PPP1R12A: variants seen among roughly 807,000 people sequenced by gnomAD.
The protein encoded by PPP1R12A is myosin binding subunit.
A neutral mutation model predicts 139.6 loss-of-function variants in PPP1R12A; 19 were observed. The ratio of observed to expected loss-of-function variants is 0.14; its 90% CI spans 0.09 to 0.20. PPP1R12A has a LOEUF of 0.20. Ranked by LOEUF, PPP1R12A falls within the 10% of genes least tolerant of loss-of-function variation. PPP1R12A has a pLI of 1.00. For missense variants in PPP1R12A, 925 were observed against 1,211.5 expected, an observed-to-expected ratio of 0.76 and a Z score of 3.51; for synonymous variants, 427 against 420.6, an observed-to-expected ratio of 1.02 and a Z score of -0.19.
chr12:79,888,401 C>A (rs1011024346), intron 1 of PPP1R12A, among the ~76,000 whole-genome samples: 2 of 152,018 alleles, frequency 1.3e-5, no homozygotes, highest in Non-Finnish European at 2.9e-5. Flanking sequence ...GAATAAATAA[C>A]AAGGCACAAG....
chr12:79,883,614 T>C (rs1370211234), intron 1 of PPP1R12A, among the ~76,000 whole-genome samples: 2 of 152,198 alleles, frequency 1.3e-5, no homozygotes, highest in Non-Finnish European at 2.9e-5. Context: ...TAGGTGTCTG[T>C]ACACCTATCT....
chr12:79,780,985 T>C (rs758147693), intron 23 of PPP1R12A, among the ~76,000 whole-genome samples: 2 of 152,112 alleles, frequency 1.3e-5, no homozygotes, highest in Non-Finnish European at 2.9e-5. Flanking sequence ...AAGAAAAATG[T>C]TTTTATATCA....
chr12:79,845,168 A>T, intron 3 of PPP1R12A, 134 bp downstream of exon 3: 1 of 659,388 alleles, frequency 1.5e-6, no homozygotes, highest in Non-Finnish European at 2.7e-6. Flanking sequence ...AACATACTGT[A>T]CTATTGTTTT....
intron 22 of PPP1R12A, among the ~76,000 whole-genome samples, chr12:79,784,896 C>T (rs957085312): frequency 6.6e-6 from 1 of 152,136 alleles, no homozygotes; most frequent in African/African-American, 2.4e-5. Flanking sequence ...ACCTTGGACT[C>T]CCAAAGTGCT....
chr12:79,825,486 G>A (rs1876651473), intron 5 of PPP1R12A: 1 of 151,890 alleles, frequency 6.6e-6, no homozygotes, highest in Admixed American at 6.5e-5. Context: ...TAAAATGACA[G>A]TAAATATGTA....
At chr12:79,885,019 T>C (rs1883978415) in intron 1 of PPP1R12A, among the ~76,000 whole-genome samples, 2 of 152,250 alleles carry the variant, frequency 1.3e-5, no homozygotes, top group East Asian at 1.9e-4. Flanking sequence ...ATTCCTAAAA[T>C]AGAACAAGTA....
chr12:79,779,106 T>G, intron 23 of PPP1R12A: 1 of 337,868 alleles, frequency 3.0e-6, no homozygotes, highest in Non-Finnish European at 5.9e-6. Context: ...TGTATTTAGG[T>G]TGACATTATG....
intron 3 of PPP1R12A, among the ~76,000 whole-genome samples, chr12:79,836,031 A>G (rs1878036755): frequency 1.3e-5 from 2 of 152,240 alleles, no homozygotes; most frequent in African/African-American, 4.8e-5. Context: ...ACATGTATAG[A>G]AAAAGTCATC....
At chr12:79,779,343 G>A (rs1027133355) in intron 23 of PPP1R12A, 30 of 1,289,024 alleles carry the variant, frequency 2.3e-5, no homozygotes, top group Non-Finnish European at 2.9e-5. Flanking sequence ...ACTGACTCTT[G>A]CCGGTCACCT....
At chr12:79,828,251 T>C (rs1303321781) in intron 5 of PPP1R12A, 69 bp downstream of exon 5, 63 of 1,355,352 alleles carry the variant, frequency 4.6e-5, no homozygotes, top group Non-Finnish European at 6.1e-5. Context: ...TGAGACTATA[T>C]TTCTAAATAT....
intron 20 of PPP1R12A, among the ~76,000 whole-genome samples, chr12:79,789,003 C>T (rs1871465052): frequency 6.6e-6 from 1 of 152,138 alleles, no homozygotes; most frequent in Non-Finnish European, 1.5e-5. Flanking sequence ...GTGGCATGAT[C>T]TCAGGTCACT....
At chr12:79,841,087 A>C (rs974407337) in intron 3 of PPP1R12A, among the ~76,000 whole-genome samples, 3 of 151,586 alleles carry the variant, frequency 2.0e-5, no homozygotes, top group Non-Finnish European at 4.4e-5. Flanking sequence ...AGAGAGAGAC[A>C]AGGTCTCACT....
intron 3 of PPP1R12A, among the ~76,000 whole-genome samples, chr12:79,832,863 G>C (rs1455219228): frequency 6.6e-6 from 1 of 151,754 alleles, no homozygotes; most frequent in African/African-American, 2.4e-5. Context: ...GTTTTGATCT[G>C]TTCTATGAAA....
intron 1 of PPP1R12A, among the ~76,000 whole-genome samples, chr12:79,890,525 G>C (rs1396817957): frequency 6.6e-6 from 1 of 152,090 alleles, no homozygotes; most frequent in African/African-American, 2.4e-5. Context: ...ACCCAAATTT[G>C]AACCGTTACT....
At chr12:79,880,770 G>GGATACT (rs1241530950) in intron 1 of PPP1R12A, among the ~76,000 whole-genome samples, 1 of 150,920 alleles carries the variant, frequency 6.6e-6, no homozygotes, top group Non-Finnish European at 1.5e-5. Flanking sequence ...TGTGCCTCAT[G>GGATACT]GATACTGCAT....
chr12:79,881,262 G>A (rs1230698460), intron 1 of PPP1R12A, among the ~76,000 whole-genome samples: 1 of 152,172 alleles, frequency 6.6e-6, no homozygotes, highest in Non-Finnish European at 1.5e-5. Flanking sequence ...GCTGAGGTAG[G>A]CCAAAAGCTA....
chr12:79,885,280 A>G (rs1000542586), intron 1 of PPP1R12A, among the ~76,000 whole-genome samples: 4 of 152,140 alleles, frequency 2.6e-5, no homozygotes, highest in Non-Finnish European at 5.9e-5. Flanking sequence ...CACTACCTCA[A>G]AAGTTTACTA....
At chr12:79,922,373 GGTTA>G (rs1330814575) in intron 1 of PPP1R12A, among the ~76,000 whole-genome samples, 1 of 152,032 alleles carries the variant, frequency 6.6e-6, no homozygotes, top group African/African-American at 2.4e-5. Flanking sequence ...GTACTTTCAC[GGTTA>G]GTTTTCCATT....
At chr12:79,842,440 A>G (rs1351472171) in intron 3 of PPP1R12A, among the ~76,000 whole-genome samples, 1 of 152,186 alleles carries the variant, frequency 6.6e-6, no homozygotes, top group Non-Finnish European at 1.5e-5. Flanking sequence ...GATGAAGCAC[A>G]TTTCAGCAGG....
Sources: allele counts gnomAD v4.1 joint callset (sites outside exome capture counted in the v4.1 genomes callset), GRCh38; gene constraint gnomAD v4.1.1; transcripts MANE v1.5; gene names NCBI Gene and HGNC (gene_info 2026-07-23, HGNC 2026-07-21).